Variants in MGAT5B observed in about 807,000 individuals in gnomAD.
MGAT5B encodes the protein N-acetylglucosaminyl-transferase Vb.
In MGAT5B, 54 loss-of-function variants were observed where a neutral mutation model predicts 95.1. The observed-to-expected ratio is 0.57, with a 90% confidence interval of 0.46 to 0.71. The LOEUF (loss-of-function observed/expected upper bound fraction) is 0.71, where lower values mean the gene tolerates loss of function less well. Ranked by LOEUF, MGAT5B falls within the 30% of genes least tolerant of loss-of-function variation. The probability of loss-of-function intolerance (pLI) is 0.00; values close to 1 mark genes in which losing one functional copy is unlikely to be tolerated. For synonymous variants in MGAT5B, 464 were observed against 451.0 expected, an observed-to-expected ratio of 1.03 and a Z score of -0.36; for missense variants, 935 against 1,088.6, an observed-to-expected ratio of 0.86 and a Z score of 1.99.
intron 8 of MGAT5B, chr17:76,924,534 T>A: frequency 5.9e-6 from 1 of 168,900 alleles, no homozygotes; most frequent in South Asian, 1.7e-4. Flanking sequence ...CAGTCAGCAC[T>A]GCAAGACTGC....
chr17:76,902,501 T>G, intron 3 of MGAT5B, 54 bp from the exon 4 acceptor site: 1 of 1,375,832 alleles, frequency 7.3e-7, no homozygotes, highest in Non-Finnish European at 1.0e-6. Flanking sequence ...AGGACCCTCA[T>G]GGGAAGGTCA....
chr17:76,872,308 T>G (rs1346177544), intron 1 of MGAT5B, among the ~76,000 whole-genome samples: 1 of 152,182 alleles, frequency 6.6e-6, no homozygotes, highest in East Asian at 1.9e-4. Flanking sequence ...CTCTGCACAC[T>G]GCACCAAGGC....
chr17:76,897,660 A>ACTTTCTTTCTTTCTTTCTTTCTTTCTTT (rs772516557), intron 3 of MGAT5B, among the ~76,000 whole-genome samples: 14 of 69,434 alleles, frequency 2.0e-4, no homozygotes, highest in South Asian at 1.0e-3. Flanking sequence ...AAGTAAGGCC[A>ACTTTCTTTCTTTCTTTCTTTCTTTCTTT]CTTTCTTTCT....
chr17:76,913,886 G>A lies in MGAT5B; in HGVS notation c.1025+7699G>A, dbSNP rs1598953097. The A allele has an allele frequency of 1.2e-5, 5 of 426,524 alleles. No individual in the cohort carries two copies. The East Asian group carries it at 3.6e-4, about 31-fold the overall frequency. The allele number at this position is 426,524 out of a possible 1,614,324, so 26.4% of individuals were successfully genotyped here. On this transcript the variant is annotated intron_variant, in intron 8 of 17. Coordinates refer to ENST00000569840, the MANE Select transcript of MGAT5B (RefSeq NM_001199172.2). ...AGCACTTTGGGAGGTCACGGCGGGA[G>A]GATTGCTTGATTCCAGGAGTTGGAG... is the stretch of plus-strand genomic sequence containing the variant.
At chr17:76,880,634 A>G (rs1967375521) in intron 2 of MGAT5B, among the ~76,000 whole-genome samples, 1 of 151,988 alleles carries the variant, frequency 6.6e-6, no homozygotes, top group South Asian at 2.1e-4. Flanking sequence ...TTGCCTTGAG[A>G]CGGGGATGCT....
chr17:76,939,274 C>T lies in MGAT5B; in HGVS notation c.1585-1128C>T, dbSNP rs966468288. 3.3e-5 allele frequency among the ~76,000 whole-genome samples: 5 copies of T among 151,824 alleles called. No homozygotes were observed. In the South Asian group the frequency reaches 6.2e-4, roughly 19 times the overall value. ...CAACACTTTGGGAGGCCGAGGTGGG[C>T]GGATCACGAGGTTAGGATATCGAGA... On this transcript the variant is annotated intron_variant, in intron 13 of 17. Transcript: ENST00000569840.
At position 76,925,003 on chromosome 17, in the gene MGAT5B, C is replaced by G. The variant is rs1244131180; in HGVS notation, c.1063C>G (p.Leu355Val). Residue 355 changes from leucine (L) to valine (V), a missense_variant, in exon 9 of 18, where the codon CTC (leucine) becomes GTC (valine). Coordinates refer to ENST00000569840, the MANE Select transcript of MGAT5B (RefSeq NM_001199172.2). ...GVPPGRGSCP[L>V]TMPLPFDLIY... The stretch of plus-strand genomic sequence containing the variant: ...ACCGCCAGGCCGGGGAAGCTGCCCG[C>G]TCACCATGCCCCTGCCCTTCGACCT... 2 of 1,607,414 alleles carry G rather than the reference C, an allele frequency of 1.2e-6. No individual in the cohort carries two copies. The highest frequency in any genetic ancestry group is 1.7e-6 in the Non-Finnish European group (2 of 1,177,386).
chr17:76,938,930 C>T lies in MGAT5B; in HGVS notation c.1584+787C>T, dbSNP rs889840829. Among the ~76,000 whole-genome samples, 7 of 151,954 alleles carry T rather than the reference C, an allele frequency of 4.6e-5. No homozygotes were observed. Among genetic ancestry groups the T allele is most frequent in the Admixed American group, 2.6e-4 (4 of 15,268 alleles). On this transcript the variant is annotated intron_variant, in intron 13 of 17. Transcript: ENST00000569840. This position sits in a 1 kb window ranked among gnomAD's most constrained non-coding sequence, Gnocchi z 4.3. ...CTGGGCTTAAGCGATCCTACCACCT[C>T]GGCCTCTCAAAGTGCTGGGATTACA...
At chr17:76,897,228 T>C (rs796918352) in intron 3 of MGAT5B, among the ~76,000 whole-genome samples, 5 of 152,256 alleles carry the variant, frequency 3.3e-5, no homozygotes, top group African/African-American at 1.2e-4. Flanking sequence ...TGGACTCTCT[T>C]TTGCGGTGGA....
At chr17:76,891,544 T>A (rs1461264557) in intron 3 of MGAT5B, among the ~76,000 whole-genome samples, 2 of 152,268 alleles carry the variant, frequency 1.3e-5, no homozygotes, top group East Asian at 3.9e-4. Flanking sequence ...CACACCCAGC[T>A]AATATTTTGT....
chr17:76,928,958 C>T (rs1031360680), intron 10 of MGAT5B, among the ~76,000 whole-genome samples: 8 of 151,856 alleles, frequency 5.3e-5, no homozygotes, highest in East Asian at 1.9e-4. Flanking sequence ...CTCCACCTCC[C>T]GGGTTCAAGC....
At chr17:76,904,521 G>A (rs1181000167) in intron 6 of MGAT5B, 99 bp downstream of exon 6, 2 of 1,352,212 alleles carry the variant, frequency 1.5e-6, no homozygotes, top group Non-Finnish European at 2.0e-6. Flanking sequence ...ATGAGACTGA[G>A]CTGCTTGCCA....
chr17:76,881,628 A>T (rs955124651), intron 2 of MGAT5B, among the ~76,000 whole-genome samples: 1 of 152,172 alleles, frequency 6.6e-6, no homozygotes, highest in African/African-American at 2.4e-5. Context: ...GCAAATCTAG[A>T]CCAAGGCCCA....
intron 3 of MGAT5B, among the ~76,000 whole-genome samples, chr17:76,902,015 C>T (rs1485156052): frequency 7.2e-5 from 11 of 152,226 alleles, no homozygotes; most frequent in Admixed American, 7.2e-4. Context: ...CAGATGTGGG[C>T]ACATGTACAG....
Position 76,924,970 on chromosome 17 carries a change from T to C in MGAT5B, c.1030T>C (p.Leu344=), listed in dbSNP as rs1472036825. 2 of 1,611,988 alleles carry C rather than the reference T, an allele frequency of 1.2e-6. No individual in the cohort carries two copies. Among genetic ancestry groups the C allele is most frequent in the Non-Finnish European group, 8.5e-7 (1 of 1,179,456 alleles). Reference sequence around the variant, plus strand: ...TCTGAAGGGCTCTTCTCTCAGTAACTTAGGGGTACCGCCAGGCCGGGGAAG... The same window carrying C: ...TCTGAAGGGCTCTTCTCTCAGTAACCTAGGGGTACCGCCAGGCCGGGGAAG... The part of the protein sequence containing the change: ...TVSLKELQSN[L]GVPPGRGSCP... Residue 344 remains leucine (L), a synonymous_variant, in exon 9 of 18, where the codon TTA becomes CTA. Coordinates refer to ENST00000569840, the MANE Select transcript of MGAT5B (RefSeq NM_001199172.2).
rs770609527 is a variant in MGAT5B at position 76,932,803 on chromosome 17, C to A, written c.1422+28C>A. On this transcript the variant is annotated intron_variant, in intron 11 of 17. Coordinates refer to ENST00000569840, the MANE Select transcript of MGAT5B (RefSeq NM_001199172.2). The stretch of plus-strand genomic sequence containing the variant: ...GAGCGCGGCCCCTGCGCGCGGGAAG[C>A]ACCAGCCTGCTCGGCACAGGCCCCC... 39 of 1,611,458 alleles carry A rather than the reference C, an allele frequency of 2.4e-5. No homozygotes were observed. The South Asian group carries it at 4.1e-4, about 17-fold the overall frequency.
chr17:76,932,710 C>A lies in MGAT5B; in HGVS notation c.1357C>A (p.Leu453Ile). ...SEELNETEKR[L>I]IKGGKASNMA... ...GGAGCTCAACGAGACGGAGAAGCGG[C>A]TCATCAAAGGCGGCAAGGCCAGCAA... is the stretch of plus-strand genomic sequence containing the variant. The change falls in exon 11 of 18, where the codon CTC becomes ATC. Residue 453 changes from leucine (L) to isoleucine (I), a missense_variant. Coordinates refer to ENST00000569840, the MANE Select transcript of MGAT5B (RefSeq NM_001199172.2). 6.2e-7 allele frequency: 1 copy of A among 1,614,034 alleles called. No individual in the cohort carries two copies. Among genetic ancestry groups the A allele is most frequent in the South Asian group, 1.1e-5 (1 of 91,074 alleles).
intron 8 of MGAT5B, among the ~76,000 whole-genome samples, chr17:76,920,569 T>C (rs1490059116): frequency 2.6e-5 from 4 of 152,228 alleles, no homozygotes; most frequent in Admixed American, 2.6e-4. Flanking sequence ...AGATTTCTTC[T>C]GATAAGAGCA....
chr17:76,889,424 C>T lies in MGAT5B; in HGVS notation c.329+7126C>T, dbSNP rs564443175. 3.9e-4 allele frequency among the ~76,000 whole-genome samples: 59 copies of T among 152,250 alleles called. No individual in the cohort carries two copies. Among genetic ancestry groups the T allele is most frequent in the African/African-American group, 1.3e-3 (56 of 41,536 alleles). ...ATAACCTGGGAAGTCACTGTCCCCT[C>T]TCCCCATCCCTGCCCAGAGCTGTCT... On this transcript the variant is annotated intron_variant, in intron 3 of 17. Transcript: ENST00000569840. This position sits in a 1 kb window ranked among gnomAD's most constrained non-coding sequence, Gnocchi z 4.4.
Sources: allele counts gnomAD v4.1 joint callset (sites outside exome capture counted in the v4.1 genomes callset), GRCh38; gene constraint gnomAD v4.1.1; non-coding constraint Gnocchi (gnomAD v3.1); transcripts MANE v1.5; gene names NCBI Gene and HGNC (gene_info 2026-07-23, HGNC 2026-07-21).